Variants in AEBP2 observed in about 807,000 individuals in gnomAD.
The protein encoded by AEBP2 is AE binding protein 2.
AEBP2 carries 10 observed loss-of-function variants against 50.8 expected under a neutral mutation model. That is an observed-to-expected ratio of 0.20 (90% CI 0.12 to 0.33). AEBP2 has a LOEUF of 0.33. Ranked by LOEUF, AEBP2 falls within the 10% of genes least tolerant of loss-of-function variation. AEBP2 has a pLI of 1.00. For missense variants in AEBP2, 570 were observed against 688.0 expected (o/e 0.83, Z 1.92); for synonymous variants, 296 against 261.3 (o/e 1.13, Z -1.28).
chr12:19,501,615 C>T (rs1229418916), intron 5 of AEBP2, among the ~76,000 whole-genome samples: 1 of 149,370 alleles, frequency 6.7e-6, no homozygotes, highest in African/African-American at 2.4e-5. Context: ...GCAGCCTGGG[C>T]TACAAAGTGA....
intron 5 of AEBP2, among the ~76,000 whole-genome samples, chr12:19,504,454 A>C (rs1565735278): frequency 6.6e-6 from 1 of 151,452 alleles, no homozygotes; most frequent in South Asian, 2.1e-4. Context: ...GTTAGCAAGG[A>C]TGCTCTCGAT....
chr12:19,474,802 T>TC (rs397761630), intron 3 of AEBP2, among the ~76,000 whole-genome samples: 18 of 151,572 alleles, frequency 1.2e-4, no homozygotes, highest in East Asian at 3.9e-4. Flanking sequence ...AGTTTTTTTT[T>TC]CCCCCCTCAA....
intron 2 of AEBP2, among the ~76,000 whole-genome samples, chr12:19,465,117 G>C (rs187481678): frequency 6.6e-6 from 1 of 151,928 alleles, no homozygotes; most frequent in African/African-American, 2.4e-5. Context: ...CTGTTTGGCC[G>C]GGCGCGGTGG....
intron 3 of AEBP2, among the ~76,000 whole-genome samples, chr12:19,492,072 CT>C (rs777825329): frequency 3.9e-5 from 6 of 152,028 alleles, no homozygotes; most frequent in Non-Finnish European, 5.9e-5. Context: ...TCTAGATGAA[CT>C]TTTACAAGAT....
chr12:19,455,815 G>A lies in AEBP2; in HGVS notation c.672-6695G>A, dbSNP rs573703773. On this transcript the variant is annotated intron_variant, in intron 1 of 7. Transcript: ENST00000266508. ...CAGGTTGCTCCCTAAATATTCCATT[G>A]ACATCTCTAACAACGTGTGTGTAGG... Among the ~76,000 whole-genome samples the A allele has an allele frequency of 4.6e-5, 7 of 152,278 alleles. No individual in the cohort carries two copies. In the South Asian group the frequency reaches 1.5e-3, roughly 32 times the overall value.
At chr12:19,493,055 A>G (rs762660143) in intron 3 of AEBP2, among the ~76,000 whole-genome samples, 6 of 152,220 alleles carry the variant, frequency 3.9e-5, no homozygotes, top group Non-Finnish European at 8.8e-5. Context: ...AATAGTGTGT[A>G]ACACTAGGAA....
intron 3 of AEBP2, among the ~76,000 whole-genome samples, chr12:19,485,868 T>C (rs1432296425): frequency 2.0e-5 from 3 of 150,024 alleles, no homozygotes; most frequent in Admixed American, 6.7e-5. Flanking sequence ...TAACAGGGGC[T>C]GGGAAAGGAT....
intron 3 of AEBP2, among the ~76,000 whole-genome samples, chr12:19,490,829 A>C (rs1336333295): frequency 6.6e-6 from 1 of 152,102 alleles, no homozygotes; most frequent in Admixed American, 6.6e-5. Flanking sequence ...ACAAGATACC[A>C]CTTCACACTC....
intron 3 of AEBP2, among the ~76,000 whole-genome samples, chr12:19,483,079 C>T (rs957298716): frequency 6.6e-6 from 1 of 152,184 alleles, no homozygotes; most frequent in Admixed American, 6.5e-5. Flanking sequence ...CGCCACCTCC[C>T]TTTTCTGCTC....
At position 19,506,053 on chromosome 12, in the gene AEBP2, A is replaced by G. The variant is rs529082937; in HGVS notation, c.1299+5832A>G. Among the ~76,000 whole-genome samples, 12 of 151,886 alleles carry G rather than the reference A, an allele frequency of 7.9e-5. No individual in the cohort carries two copies. The East Asian group carries it at 1.7e-3, about 22-fold the overall frequency. On this transcript the variant is annotated intron_variant, in intron 5 of 7. Coordinates refer to ENST00000266508, the MANE Select transcript of AEBP2 (RefSeq NM_153207.5). ...TGATCCTCCTGGCTTTGCCTCCCAG[A>G]GTGCTGGAGTGAGCCACCGTGCCTG...
At chr12:19,408,662 G>T (rs930343887) in intron 1 of AEBP2, among the ~76,000 whole-genome samples, 3 of 152,074 alleles carry the variant, frequency 2.0e-5, no homozygotes, top group African/African-American at 7.2e-5. Flanking sequence ...AGCACTTTGG[G>T]AGGCCGAGGC....
At position 19,455,570 on chromosome 12, in the gene AEBP2, G is replaced by A. The variant is rs377311081; in HGVS notation, c.672-6940G>A. 1.7e-3 allele frequency among the ~76,000 whole-genome samples: 255 copies of A among 152,172 alleles called. 5 individuals are homozygous for A. The South Asian group carries it at 0.051, about 31-fold the overall frequency. Reference sequence around the variant, plus strand: ...TGGCAACCCTGTCAGCCCTGGTCACGTCCACCAAGCAGATACTTGCCTAGA... The same window carrying A: ...TGGCAACCCTGTCAGCCCTGGTCACATCCACCAAGCAGATACTTGCCTAGA... On this transcript the variant is annotated intron_variant, in intron 1 of 7. Coordinates refer to ENST00000266508, the MANE Select transcript of AEBP2 (RefSeq NM_153207.5).
intron 4 of AEBP2, among the ~76,000 whole-genome samples, chr12:19,499,248 A>G (rs1949031303): frequency 6.6e-6 from 1 of 152,246 alleles, no homozygotes; most frequent in African/African-American, 2.4e-5. Flanking sequence ...ATCGGCGTCC[A>G]AAAATTTGTT....
Position 19,407,065 on chromosome 12 carries a change from G to A in AEBP2, c.-17+2849G>A, listed in dbSNP as rs192252145. 1.5e-3 allele frequency among the ~76,000 whole-genome samples: 234 copies of A among 152,260 alleles called. 4 individuals carry two copies. The highest frequency in any genetic ancestry group is 0.015 in the Admixed American group (228 of 15,280). On this transcript the variant is annotated intron_variant, in intron 1 of 3. Transcript: ENST00000538425. ...ACTTGTAATCTCGGCTACTCAGGAG[G>A]CTGAGACAGGAAGATTACTCAAGCC...
chr12:19,500,476 A>G (rs1433028318), intron 5 of AEBP2, among the ~76,000 whole-genome samples: 2 of 152,204 alleles, frequency 1.3e-5, no homozygotes, highest in Non-Finnish European at 1.5e-5. Context: ...ATGACACACC[A>G]TACAGTGTTA....
At chr12:19,487,478 G>T (rs146167657) in intron 3 of AEBP2, among the ~76,000 whole-genome samples, 1 of 152,286 alleles carries the variant, frequency 6.6e-6, no homozygotes, top group East Asian at 1.9e-4. Context: ...AGCACTTTGG[G>T]AGGCCAAGGC....
intron 1 of AEBP2, among the ~76,000 whole-genome samples, chr12:19,447,992 T>C (rs1948102836): frequency 6.6e-6 from 1 of 152,228 alleles, no homozygotes; most frequent in Non-Finnish European, 1.5e-5. Flanking sequence ...CGTGTGTGGC[T>C]TTGTTATATC....
At position 19,414,204 on chromosome 12, in the gene AEBP2, A is replaced by G. The variant is rs536316981; in HGVS notation, c.-17+9988A>G. On this transcript the variant is annotated intron_variant, in intron 1 of 3. Transcript: ENST00000538425. ...ATTGCGCCCGGCCAACAAGGTCTTT[A>G]TGACCCGTATCTTGTGCTGATCTCC... Among the ~76,000 whole-genome samples, 4 of 152,096 alleles carry G rather than the reference A, an allele frequency of 2.6e-5. No individual in the cohort carries two copies. In the South Asian group the frequency reaches 8.3e-4, roughly 32 times the overall value.
At chr12:19,507,847 A>G (rs1225566925) in intron 5 of AEBP2, among the ~76,000 whole-genome samples, 1 of 152,252 alleles carries the variant, frequency 6.6e-6, no homozygotes, top group Non-Finnish European at 1.5e-5. Context: ...AGTAAAAAAC[A>G]TTCAGTACTA....
Sources: gnomAD v4.1 joint callset for allele counts (sites outside exome capture counted in the v4.1 genomes callset) on GRCh38, gnomAD v4.1.1 for gene constraint, MANE v1.5 for transcripts, NCBI Gene and HGNC (gene_info 2026-07-23, HGNC 2026-07-21) for gene names.